Variants in PPP1R1C observed in about 807,000 individuals in gnomAD.
PPP1R1C encodes the protein protein phosphatase 1 regulatory inhibitor subunit 1C, also known as protein phosphatase 1 regulatory subunit 1C.
Under a neutral mutation model 17.4 loss-of-function variants are expected in PPP1R1C, and 15 were observed. The observed-to-expected ratio is 0.86, with a 90% CI of 0.58 to 1.33. The LOEUF (loss-of-function observed/expected upper bound fraction) is 1.33, where lower values mean the gene tolerates loss of function less well. Ranked by LOEUF, PPP1R1C falls within the 40% of genes most tolerant of loss-of-function variation. PPP1R1C has a pLI of 0.00. For synonymous variants in PPP1R1C, 35 were observed against 43.1 expected (o/e 0.81, Z 0.73); for missense variants, 143 against 130.0 (o/e 1.10, Z -0.48).
intron 4 of PPP1R1C, among the ~76,000 whole-genome samples, chr2:182,107,155 C>A (rs376727949): frequency 6.6e-6 from 1 of 152,090 alleles, no homozygotes; most frequent in East Asian, 1.9e-4. Flanking sequence ...TAATACATTG[C>A]CAGGGGAAAA....
chr2:181,993,042 A>G (rs1466791278), intron 2 of PPP1R1C, among the ~76,000 whole-genome samples: 4 of 152,182 alleles, frequency 2.6e-5, no homozygotes, highest in Non-Finnish European at 4.4e-5. Context: ...GGATTCTGAA[A>G]CTAAGTTAAA....
At chr2:182,034,261 T>C (rs16822361) in intron 2 of PPP1R1C, among the ~76,000 whole-genome samples, 2,681 of 152,230 alleles carry the variant, frequency 0.018, 70 homozygotes, top group African/African-American at 0.061. Context: ...TTATGATAAT[T>C]GTGATAAATG....
intron 4 of PPP1R1C, among the ~76,000 whole-genome samples, chr2:182,072,781 CT>C (rs1198277873): frequency 9.2e-5 from 14 of 152,174 alleles, no homozygotes; most frequent in African/African-American, 3.4e-4. Context: ...TAATTTTAAA[CT>C]CGTGTTATTG....
chr2:181,962,097 G>T lies in PPP1R1C; in HGVS notation n.111+7463G>T. On this transcript the variant is annotated intron_variant and non_coding_transcript_variant, in intron 1 of 5. Coordinates refer to the PPP1R1C transcript ENST00000464264. The surrounding 1 kb of genome is among the most constrained non-coding windows in gnomAD (Gnocchi z 6.0). ...AGGTCCTCGATGGTCTTGAGGTAAT[G>T]ACTCCAGTCTCTGACCTGGAGTCCC... 5.5e-6 allele frequency: 4 copies of T among 721,820 alleles called. No individual in the cohort carries two copies. The highest frequency in any genetic ancestry group is 2.7e-5 in the South Asian group (2 of 73,222). 44.7% of individuals were successfully genotyped at this position (721,820 alleles called of 1,614,324 possible). A position where few individuals can be genotyped will look rare whatever the true frequency, so the allele number is the denominator to read the frequency against.
chr2:182,130,845 T>C (rs1311012757), downstream of PPP1R1C: 1 of 152,164 alleles, frequency 6.6e-6, no homozygotes, highest in African/African-American at 2.4e-5. Flanking sequence ...CACCCAATAG[T>C]TTAAAAATTA....
intron 4 of PPP1R1C, among the ~76,000 whole-genome samples, chr2:182,095,980 C>T (rs995182559): frequency 6.5e-5 from 9 of 137,900 alleles, no homozygotes; most frequent in Non-Finnish European, 1.2e-4. Flanking sequence ...GTCTCAGACA[C>T]ACACAAAAAA....
At chr2:182,130,694 T>A (rs1259614870), downstream of PPP1R1C, 1 of 152,232 alleles carries the variant, frequency 6.6e-6, no homozygotes, top group Admixed American at 6.5e-5. Flanking sequence ...TGGATGTGTT[T>A]TCCTAAGCAG....
intron 2 of PPP1R1C, among the ~76,000 whole-genome samples, chr2:181,994,557 AG>A (rs1476014741): frequency 6.6e-6 from 1 of 152,212 alleles, no homozygotes; most frequent in Non-Finnish European, 1.5e-5. Flanking sequence ...AATAAACTTC[AG>A]CACAAGACTC....
At chr2:182,001,680 G>A (rs1374377395) in intron 2 of PPP1R1C, among the ~76,000 whole-genome samples, 1 of 152,002 alleles carries the variant, frequency 6.6e-6, no homozygotes, top group African/African-American at 2.4e-5. Flanking sequence ...AACTATCAGG[G>A]AATAGTTAGC....
intron 4 of PPP1R1C, among the ~76,000 whole-genome samples, chr2:182,109,774 A>G (rs1317552615): frequency 6.6e-6 from 1 of 152,162 alleles, no homozygotes. Flanking sequence ...CTAAAGTAGC[A>G]TCAGTTCCCC....
chr2:182,084,456 G>T (rs1174194936), intron 4 of PPP1R1C, among the ~76,000 whole-genome samples: 1 of 151,972 alleles, frequency 6.6e-6, no homozygotes, highest in African/African-American at 2.4e-5. Context: ...TGGTGAGAGA[G>T]AAGGACCCTG....
rs1686251345 is a variant in PPP1R1C at position 182,015,913 on chromosome 2, C to T, written c.142+28014C>T. ...ATGACTCAAGCACTCCTTTGGCTGCCCTGGCTGGTATCTCACTAGGTCATT... is the reference window on the plus strand; with the variant it reads ...ATGACTCAAGCACTCCTTTGGCTGCTCTGGCTGGTATCTCACTAGGTCATT... On this transcript the variant is annotated intron_variant, in intron 2 of 4. Transcript: ENST00000682840. Among the ~76,000 whole-genome samples, 4 of 152,256 alleles carry T rather than the reference C, an allele frequency of 2.6e-5. No homozygotes were observed. In the South Asian group the frequency reaches 8.3e-4, roughly 32 times the overall value.
intron 2 of PPP1R1C, among the ~76,000 whole-genome samples, chr2:182,025,070 A>T (rs1220378347): frequency 6.6e-6 from 1 of 150,940 alleles, no homozygotes; most frequent in Non-Finnish European, 1.5e-5. Context: ...GTACTGCATA[A>T]ATTTGTGCAA....
At chr2:181,969,488 TTTG>T (rs1024796044) in intron 1 of PPP1R1C, among the ~76,000 whole-genome samples, 2 of 152,212 alleles carry the variant, frequency 1.3e-5, no homozygotes, top group African/African-American at 4.8e-5. Flanking sequence ...TTGGAACTTC[TTTG>T]TTATTTGTTG....
chr2:182,014,410 C>G (rs1686190694), intron 2 of PPP1R1C, among the ~76,000 whole-genome samples: 1 of 152,204 alleles, frequency 6.6e-6, no homozygotes. Context: ...ATCTCTCTCT[C>G]TCTGTGCTGA....
chr2:182,126,953 C>A (rs553960519), intron 5 of PPP1R1C, among the ~76,000 whole-genome samples: 1 of 151,960 alleles, frequency 6.6e-6, no homozygotes, highest in Non-Finnish European at 1.5e-5. Flanking sequence ...TAATTTCTTA[C>A]GCTATAAACA....
chr2:182,015,795 T>C (rs1391935468), intron 2 of PPP1R1C, among the ~76,000 whole-genome samples: 1 of 151,958 alleles, frequency 6.6e-6, no homozygotes, highest in Non-Finnish European at 1.5e-5. Flanking sequence ...CGCAAAAAAG[T>C]CCTCTTTATT....
chr2:182,032,838 T>A (rs775140614), intron 2 of PPP1R1C, among the ~76,000 whole-genome samples: 10 of 152,168 alleles, frequency 6.6e-5, no homozygotes, highest in Non-Finnish European at 1.3e-4. Flanking sequence ...TATTAATGCT[T>A]TCTCCTTAAG....
At chr2:181,991,028 A>G (rs1169493569) in intron 2 of PPP1R1C, among the ~76,000 whole-genome samples, 1 of 152,216 alleles carries the variant, frequency 6.6e-6, no homozygotes, top group Non-Finnish European at 1.5e-5. Context: ...ATTCTTCATT[A>G]TAGAAACATA....
Sources: allele counts gnomAD v4.1 joint callset (sites outside exome capture counted in the v4.1 genomes callset), GRCh38; gene constraint gnomAD v4.1.1; non-coding constraint Gnocchi (gnomAD v3.1); transcripts MANE v1.5; gene names NCBI Gene and HGNC (gene_info 2026-07-23, HGNC 2026-07-21).